AGBL4: variants seen among roughly 807,000 people sequenced by gnomAD.
AGBL4 encodes AGBL carboxypeptidase 4.
AGBL4 carries 58 observed loss-of-function variants against 66.4 expected under a neutral mutation model. That is an observed-to-expected ratio of 0.87 (90% CI 0.71 to 1.09). The LOEUF (loss-of-function observed/expected upper bound fraction) is 1.09, where lower values mean the gene tolerates loss of function less well. Ranked by LOEUF, AGBL4 falls within the 50% of genes least tolerant of loss-of-function variation. AGBL4 has a pLI of 0.00. For synonymous variants in AGBL4, 234 were observed against 222.9 expected, an observed-to-expected ratio of 1.05 and a Z score of -0.44; for missense variants, 579 against 631.0, an observed-to-expected ratio of 0.92 and a Z score of 0.88.
chr1:49,573,736 G>A (rs1051381112), intron 3 of AGBL4, among the ~76,000 whole-genome samples: 12 of 152,192 alleles, frequency 7.9e-5, no homozygotes, highest in African/African-American at 2.9e-4. Flanking sequence ...AACAAAAGGT[G>A]CATGCACAGC....
chr1:49,115,822 C>G (rs946731023), intron 4 of AGBL4, among the ~76,000 whole-genome samples: 1 of 152,090 alleles, frequency 6.6e-6, no homozygotes, highest in African/African-American at 2.4e-5. Context: ...TCTACTGTGA[C>G]AGTCATGACC....
intron 5 of AGBL4, among the ~76,000 whole-genome samples, chr1:48,890,774 T>A (rs1650863752): frequency 6.6e-6 from 1 of 152,164 alleles, no homozygotes; most frequent in Non-Finnish European, 1.5e-5. Context: ...TGAGCTCAGG[T>A]TGGTATTTCA....
At chr1:48,663,596 G>A (rs1432776159) in intron 6 of AGBL4, among the ~76,000 whole-genome samples, 1 of 152,040 alleles carries the variant, frequency 6.6e-6, no homozygotes, top group Non-Finnish European at 1.5e-5. Context: ...CTATAAACAA[G>A]GATGACAATA....
At chr1:49,521,348 G>T (rs1650249399) in intron 3 of AGBL4, among the ~76,000 whole-genome samples, 2 of 151,946 alleles carry the variant, frequency 1.3e-5, no homozygotes, top group Non-Finnish European at 2.9e-5. Flanking sequence ...TCACATTACA[G>T]GACTTCAAAC....
At chr1:48,602,750 G>A (rs1216330805) in intron 9 of AGBL4, among the ~76,000 whole-genome samples, 1 of 152,162 alleles carries the variant, frequency 6.6e-6, no homozygotes, top group East Asian at 1.9e-4. Context: ...AAAGGTACAG[G>A]CAGGCACTTG....
At chr1:49,265,449 G>T (rs1397817885) in intron 3 of AGBL4, among the ~76,000 whole-genome samples, 1 of 152,140 alleles carries the variant, frequency 6.6e-6, no homozygotes, top group Admixed American at 6.5e-5. Flanking sequence ...ATAAAACCTA[G>T]ATCTCTATTT....
chr1:48,865,966 T>C (rs1186909705), intron 6 of AGBL4, among the ~76,000 whole-genome samples: 2 of 152,326 alleles, frequency 1.3e-5, no homozygotes. Context: ...ATCATATATA[T>C]GTTAAATGTA....
At chr1:49,749,451 C>T (rs898190993) in intron 2 of AGBL4, among the ~76,000 whole-genome samples, 2 of 152,088 alleles carry the variant, frequency 1.3e-5, no homozygotes, top group Non-Finnish European at 1.5e-5. Context: ...AATACTAAAA[C>T]TTTCCTTATT....
rs528368023 is a variant in AGBL4, at chr1:49,543,640, C to G, written c.282+153673G>C. 4.6e-5 allele frequency among the ~76,000 whole-genome samples: 7 copies of G among 152,170 alleles called. No homozygotes were observed. In the South Asian group the frequency reaches 1.5e-3, roughly 32 times the overall value. On this transcript the variant is annotated intron_variant, in intron 3 of 13. Transcript: ENST00000371839. ...AATGGGTTATCTTGTAAAGCCAGGA[C>G]AGAAATAATATGTATTAGCCTATAA...
intron 3 of AGBL4, among the ~76,000 whole-genome samples, chr1:49,560,397 C>T (rs1644008882): frequency 6.6e-6 from 1 of 151,838 alleles, no homozygotes; most frequent in Non-Finnish European, 1.5e-5. Flanking sequence ...AATTAGTGAG[C>T]CTGAAGACAG....
At chr1:49,158,450 G>C (rs1029049939) in intron 4 of AGBL4, among the ~76,000 whole-genome samples, 3 of 152,116 alleles carry the variant, frequency 2.0e-5, no homozygotes, top group South Asian at 2.1e-4. Flanking sequence ...TATGATTTCT[G>C]TTCTTTTGCA....
At chr1:49,714,593 T>TATATATATATATATATATATATAC (rs1491300456) in intron 2 of AGBL4, among the ~76,000 whole-genome samples, 1 of 113,980 alleles carries the variant, frequency 8.8e-6, no homozygotes, top group African/African-American at 3.2e-5. Context: ...TATATATATA[T>TATATATATATATATATATATATAC]ACACACACAC....
At chr1:48,528,736 A>C (rs1189469519), downstream of AGBL4, among the ~76,000 whole-genome samples, 6 of 152,130 alleles carry the variant, frequency 3.9e-5, no homozygotes, top group Admixed American at 3.3e-4. Context: ...GCCTTGGGGG[A>C]GTCCTGAATT....
chr1:49,694,786 G>C (rs1470951409), intron 3 of AGBL4, among the ~76,000 whole-genome samples: 1 of 152,098 alleles, frequency 6.6e-6, no homozygotes. Flanking sequence ...AACTAGAAGA[G>C]CAAAGAACAT....
chr1:48,976,017 T>G (rs1299924656), intron 5 of AGBL4, among the ~76,000 whole-genome samples: 1 of 152,154 alleles, frequency 6.6e-6, no homozygotes, highest in African/African-American at 2.4e-5. Flanking sequence ...CAGAAGTACA[T>G]GTCTTCTTAT....
chr1:48,658,301 T>C (rs1339372167), intron 7 of AGBL4, among the ~76,000 whole-genome samples: 2 of 152,264 alleles, frequency 1.3e-5, no homozygotes, highest in East Asian at 3.8e-4. Flanking sequence ...ATTTTCTCTC[T>C]AGAGAATTCT....
At chr1:49,075,925 C>G (rs1444402776) in intron 4 of AGBL4, among the ~76,000 whole-genome samples, 1 of 152,044 alleles carries the variant, frequency 6.6e-6, no homozygotes, top group Non-Finnish European at 1.5e-5. Context: ...ATTAAGAAAT[C>G]AACAAACTGT....
intron 3 of AGBL4, among the ~76,000 whole-genome samples, chr1:49,406,538 A>T (rs1298846008): frequency 6.6e-6 from 1 of 152,228 alleles, no homozygotes; most frequent in African/African-American, 2.4e-5. Flanking sequence ...ATATATGATA[A>T]TGTAGTTTTT....
intron 3 of AGBL4, among the ~76,000 whole-genome samples, chr1:49,263,443 A>G (rs538630655): frequency 4.4e-4 from 67 of 152,296 alleles, no homozygotes; most frequent in Non-Finnish European, 8.7e-4. Context: ...AAAATATAAA[A>G]GACCAACAAT....
Sources: allele counts gnomAD v4.1 joint callset (sites outside exome capture counted in the v4.1 genomes callset), GRCh38; gene constraint gnomAD v4.1.1; transcripts MANE v1.5; gene names NCBI Gene and HGNC (gene_info 2026-07-23, HGNC 2026-07-21).